The following TCERG1L variants were observed in gnomAD, a reference collection of about 807,000 sequenced individuals.
TCERG1L encodes the protein transcription elongation regulator 1-like protein.
Under a neutral mutation model 56.3 loss-of-function variants are expected in TCERG1L, and 37 were observed. That is an observed-to-expected ratio of 0.66 (90% CI 0.51 to 0.87). The LOEUF (loss-of-function observed/expected upper bound fraction) is 0.87. TCERG1L is among the 40% of genes least tolerant of loss of function. The pLI, the probability that TCERG1L is intolerant of heterozygous loss-of-function variation, is 0.00. For missense variants in TCERG1L, 799 were observed against 774.2 expected (o/e 1.03, Z -0.38); for synonymous variants, 324 against 326.3 (o/e 0.99, Z 0.08).
At chr10:131,268,542 C>T (rs75790622) in intron 3 of TCERG1L, among the ~76,000 whole-genome samples, 2 of 152,212 alleles carry the variant, frequency 1.3e-5, no homozygotes, top group East Asian at 3.9e-4. Context: ...GACTTCTCCT[C>T]TATAGCTATA....
At chr10:131,221,191 C>A (rs1337650631) in intron 4 of TCERG1L, among the ~76,000 whole-genome samples, 4 of 152,220 alleles carry the variant, frequency 2.6e-5, no homozygotes, top group Non-Finnish European at 5.9e-5. Context: ...TGGAAAGTGT[C>A]TCCCACCCTG....
At position 131,308,347 on chromosome 10, in the gene TCERG1L, A is replaced by T; in HGVS notation, c.534T>A (p.His178Gln). Reference sequence around the variant, plus strand: ...CATGGAAAAACCTTGACTCCTCAGGATGTATCCACGTTGAGTCCAGAGCAA... The same window carrying T: ...CATGGAAAAACCTTGACTCCTCAGGTTGTATCCACGTTGAGTCCAGAGCAA... ...NSFALDSTWI[H>Q]PEESRFFHGH... The change falls in exon 3 of 12, where the codon CAT becomes CAA. Residue 178 changes from histidine (H) to glutamine (Q), a missense_variant. Coordinates refer to ENST00000368642, the MANE Select transcript of TCERG1L (RefSeq NM_174937.4). 1 of 1,614,040 alleles carries T rather than the reference A, an allele frequency of 6.2e-7. No individual in the cohort carries two copies. The highest frequency in any genetic ancestry group is 8.5e-7 in the Non-Finnish European group (1 of 1,179,904).
intron 4 of TCERG1L, among the ~76,000 whole-genome samples, chr10:131,254,712 T>C (rs1223062314): frequency 6.6e-6 from 1 of 152,038 alleles, no homozygotes; most frequent in African/African-American, 2.4e-5. Flanking sequence ...AGAGGAGGCA[T>C]CAGGCAAAAG....
intron 4 of TCERG1L, among the ~76,000 whole-genome samples, chr10:131,196,126 CAAAAT>C (rs1218518517): frequency 6.6e-6 from 1 of 152,138 alleles, no homozygotes; most frequent in Non-Finnish European, 1.5e-5. Context: ...TTGCAGGAGA[CAAAAT>C]AAGAGAAATA....
At chr10:131,114,228 C>G (rs569651706) in intron 9 of TCERG1L, among the ~76,000 whole-genome samples, 1 of 142,308 alleles carries the variant, frequency 7.0e-6, no homozygotes, top group East Asian at 2.4e-4. Context: ...ATCACTCAGT[C>G]CATGAAAAAG....
At chr10:131,157,380 A>G (rs2133425656) in intron 6 of TCERG1L, among the ~76,000 whole-genome samples, 1 of 152,310 alleles carries the variant, frequency 6.6e-6, no homozygotes. Context: ...TCGTAAATCT[A>G]TAGTATTTTA....
In TCERG1L at chr10:131,166,847, C is replaced by T. The variant is rs753532844; in HGVS notation, c.895G>A (p.Ala299Thr). The change falls in exon 5 of 12, where the codon GCC becomes ACC. Residue 299 changes from alanine (A) to threonine (T), a missense_variant. Transcript: ENST00000368642. ...CTCTTCTGGGCCCGCAGCATCAGGGCAGGAGGGCGGGCCACTCGGCCCCGC... is the reference window on the plus strand; with the variant it reads ...CTCTTCTGGGCCCGCAGCATCAGGGTAGGAGGGCGGGCCACTCGGCCCCGC... ...TERGRVARPP[A>T]LMLRAQKSRD... 3 of 1,613,704 alleles carry T rather than the reference C, an allele frequency of 1.9e-6. No homozygotes were observed. Among genetic ancestry groups the T allele is most frequent in the Non-Finnish European group, 8.5e-7 (1 of 1,179,902 alleles).
At chr10:131,268,661 T>C (rs186041004) in intron 3 of TCERG1L, among the ~76,000 whole-genome samples, 4 of 152,380 alleles carry the variant, frequency 2.6e-5, no homozygotes, top group Admixed American at 1.3e-4. Flanking sequence ...GTCTTCTGGA[T>C]AACTGGGTGC....
chr10:131,195,319 G>A (rs1339374190), intron 4 of TCERG1L, among the ~76,000 whole-genome samples: 1 of 152,180 alleles, frequency 6.6e-6, no homozygotes, highest in Admixed American at 6.5e-5. Context: ...TCTCAACCCA[G>A]AGACAACAGA....
intron 4 of TCERG1L, among the ~76,000 whole-genome samples, chr10:131,207,810 C>T (rs748290882): frequency 2.6e-5 from 4 of 152,086 alleles, no homozygotes; most frequent in African/African-American, 4.8e-5. Flanking sequence ...AAATACCGAG[C>T]GGGTGGTCCC....
At chr10:131,188,509 CATT>C (rs1845270165) in intron 4 of TCERG1L, among the ~76,000 whole-genome samples, 1 of 152,170 alleles carries the variant, frequency 6.6e-6, no homozygotes, top group South Asian at 2.1e-4. Context: ...TCTGGTCTCT[CATT>C]AGTATAGCAG....
At chr10:131,214,715 T>C (rs1302164697) in intron 4 of TCERG1L, among the ~76,000 whole-genome samples, 1 of 152,128 alleles carries the variant, frequency 6.6e-6, no homozygotes, top group Non-Finnish European at 1.5e-5. Context: ...AAGTGGGTGG[T>C]GTCCACGCAG....
intron 4 of TCERG1L, among the ~76,000 whole-genome samples, chr10:131,180,046 A>C (rs4353190): frequency 0.46 from 70,065 of 152,066 alleles, 19,278 homozygotes; most frequent in South Asian, 0.68. Flanking sequence ...CGGGAGAAAG[A>C]CAGACATGGT....
At chr10:131,154,669 A>G (rs1210974441) in intron 6 of TCERG1L, among the ~76,000 whole-genome samples, 1 of 152,192 alleles carries the variant, frequency 6.6e-6, no homozygotes, top group Non-Finnish European at 1.5e-5. Context: ...ACTAGGGCTT[A>G]TAAGGACTCC....
rs1021472624 is a variant in TCERG1L, at chr10:131,231,006, C to T, written c.856+29253G>A. ...CATTGTTTAGGGTACCCCTGAGCAC[C>T]GCTCCTAGAACTATGAAAGACTGAG... is the stretch of plus-strand genomic sequence containing the variant. On this transcript the variant is annotated intron_variant, in intron 4 of 11. Coordinates refer to ENST00000368642, the MANE Select transcript of TCERG1L (RefSeq NM_174937.4). Among the ~76,000 whole-genome samples, 17 of 150,388 alleles carry T rather than the reference C, an allele frequency of 1.1e-4. No individual in the cohort carries two copies. In the South Asian group the frequency reaches 1.4e-3, roughly 13 times the overall value.
At position 131,260,695 on chromosome 10, in the gene TCERG1L, C is replaced by T. The variant is rs1846229257; in HGVS notation, c.671-251G>A. Among the ~76,000 whole-genome samples the T allele has an allele frequency of 6.6e-6, 1 of 152,178 alleles. No individual in the cohort carries two copies. Among genetic ancestry groups the T allele is most frequent in the African/African-American group, 2.4e-5 (1 of 41,440 alleles). On this transcript the variant is annotated intron_variant, in intron 3 of 11. Coordinates refer to ENST00000368642, the MANE Select transcript of TCERG1L (RefSeq NM_174937.4). This position sits in a 1 kb window ranked among gnomAD's most constrained non-coding sequence, Gnocchi z 5.8. Reference sequence around the variant, plus strand: ...GTGTGATGCCCAGTGAGCTGCAAGGCTTACAGTCACCAGGGGACGAGCCAG... The same window carrying T: ...GTGTGATGCCCAGTGAGCTGCAAGGTTTACAGTCACCAGGGGACGAGCCAG...
At chr10:131,281,801 A>G (rs1167058139) in intron 3 of TCERG1L, among the ~76,000 whole-genome samples, 1 of 141,124 alleles carries the variant, frequency 7.1e-6, no homozygotes, top group Non-Finnish European at 1.6e-5. Context: ...CCCCCTGCTT[A>G]CCACCTCCAA....
intron 7 of TCERG1L, among the ~76,000 whole-genome samples, chr10:131,135,513 G>A (rs1185627555): frequency 1.3e-5 from 2 of 152,186 alleles, no homozygotes; most frequent in East Asian, 1.9e-4. Context: ...CCCAATAATG[G>A]CTCTGTTACC....
intron 4 of TCERG1L, among the ~76,000 whole-genome samples, chr10:131,199,604 G>T (rs530271255): frequency 6.6e-6 from 1 of 152,284 alleles, no homozygotes; most frequent in South Asian, 2.1e-4. Flanking sequence ...TAACAGGCCT[G>T]TTAAATGGGC....
Sources: allele counts gnomAD v4.1 joint callset (sites outside exome capture counted in the v4.1 genomes callset), GRCh38; gene constraint gnomAD v4.1.1; non-coding constraint Gnocchi (gnomAD v3.1); transcripts MANE v1.5; gene names NCBI Gene and HGNC (gene_info 2026-07-23, HGNC 2026-07-21).